Variants in TNKS2 observed in about 807,000 individuals in gnomAD.
TNKS2 encodes the protein poly [ADP-ribose] polymerase tankyrase-2.
Under a neutral mutation model 137.6 loss-of-function variants are expected in TNKS2, and 72 were observed. The ratio of observed to expected loss-of-function variants is 0.52; its 90% CI spans 0.43 to 0.64. The LOEUF (loss-of-function observed/expected upper bound fraction) is 0.64, where lower values mean the gene tolerates loss of function less well. TNKS2 is among the 30% of genes least tolerant of loss of function. TNKS2 has a pLI of 0.00. For missense variants in TNKS2, 1,049 were observed against 1,410.2 expected (o/e 0.74, Z 4.10); for synonymous variants, 516 against 512.1 (o/e 1.01, Z -0.10).
intron 5 of TNKS2, 100 bp from the exon 6 acceptor site, chr10:91,819,839 A>G (rs991766323): frequency 3.1e-6 from 3 of 967,388 alleles, no homozygotes; most frequent in East Asian, 2.6e-5. Context: ...TAGCGAAGTT[A>G]TAATTGGATT....
At chr10:91,831,519 G>A (rs1220406373) in intron 11 of TNKS2, among the ~76,000 whole-genome samples, 3 of 152,148 alleles carry the variant, frequency 2.0e-5, no homozygotes, top group Non-Finnish European at 4.4e-5. Flanking sequence ...TGGTTGTCAT[G>A]ATAACTTCTG....
intron 11 of TNKS2, among the ~76,000 whole-genome samples, chr10:91,833,475 T>A (rs1841887965): frequency 6.6e-6 from 1 of 152,184 alleles, no homozygotes; most frequent in African/African-American, 2.4e-5. Context: ...TAATGCTAAT[T>A]TATCTCTGGC....
intron 21 of TNKS2, among the ~76,000 whole-genome samples, 169 bp from the exon 22 acceptor site, chr10:91,854,860 A>G (rs1262700787): frequency 2.0e-5 from 3 of 151,132 alleles, no homozygotes; most frequent in Non-Finnish European, 4.4e-5. Context: ...CCAAGATCAC[A>G]CCAGCCTAGC....
intron 7 of TNKS2, among the ~76,000 whole-genome samples, chr10:91,825,175 C>T (rs1845028749): frequency 6.6e-6 from 1 of 152,064 alleles, no homozygotes; most frequent in Non-Finnish European, 1.5e-5. Flanking sequence ...AATCATGGCT[C>T]ATTGCAGCCG....
intron 8 of TNKS2, among the ~76,000 whole-genome samples, chr10:91,827,928 C>T (rs1417259368): frequency 6.6e-6 from 1 of 152,004 alleles, no homozygotes; most frequent in Non-Finnish European, 1.5e-5. Context: ...TATTTCTTTA[C>T]AGAGAAAAAT....
intron 21 of TNKS2, among the ~76,000 whole-genome samples, chr10:91,853,833 CTT>C (rs1203693963): frequency 1.3e-5 from 2 of 152,164 alleles, no homozygotes; most frequent in Admixed American, 6.5e-5. Context: ...GAATAGTGCT[CTT>C]CATCTCCAGA....
At chr10:91,852,084 C>T (rs951519120) in intron 21 of TNKS2, among the ~76,000 whole-genome samples, 14 of 148,402 alleles carry the variant, frequency 9.4e-5, no homozygotes, top group East Asian at 6.1e-4. Flanking sequence ...AAAAATTAGC[C>T]GGGCGTGGTG....
chr10:91,840,790 T>C (rs952166315), intron 14 of TNKS2, 84 bp downstream of exon 14: 9 of 1,371,564 alleles, frequency 6.6e-6, no homozygotes, highest in Non-Finnish European at 8.9e-6. Flanking sequence ...ATATGTTTTA[T>C]TTTTCAAGAA....
At chr10:91,860,117 TG>T (rs2133685848) in intron 25 of TNKS2, among the ~76,000 whole-genome samples, 1 of 152,314 alleles carries the variant, frequency 6.6e-6, no homozygotes, top group East Asian at 1.9e-4. Context: ...ATTAAAACAT[TG>T]ATCCTTTTTG....
At chr10:91,858,754 A>G (rs974353566) in intron 24 of TNKS2, among the ~76,000 whole-genome samples, 1 of 152,236 alleles carries the variant, frequency 6.6e-6, no homozygotes, top group East Asian at 1.9e-4. Flanking sequence ...CACGCCTGTA[A>G]TCCCAACACT....
intron 21 of TNKS2, 115 bp from the exon 22 acceptor site, chr10:91,854,914 A>T: frequency 4.0e-6 from 2 of 495,194 alleles, no homozygotes; most frequent in Non-Finnish European, 6.9e-6. Flanking sequence ...AAAAAAAAAA[A>T]GTTTAAAAAA....
intron 7 of TNKS2, among the ~76,000 whole-genome samples, chr10:91,824,243 G>A (rs1252878111): frequency 2.0e-5 from 3 of 152,176 alleles, no homozygotes; most frequent in Non-Finnish European, 2.9e-5. Flanking sequence ...GCAGTGCTGA[G>A]TCAATTGGCA....
Position 91,798,822 on chromosome 10 carries a change from G to A in TNKS2, c.132G>A (p.Val44=). ...NGDVERVKRL[V]TPEKVNSRDT... ...ACGTGGAACGAGTCAAGAGGCTGGT[G>A]ACGCCTGAGAAGGTGAACAGCCGCG... Residue 44 remains valine, a synonymous_variant, in exon 1 of 27, where the codon GTG becomes GTA. Transcript: ENST00000371627. The A allele has an allele frequency of 7.4e-7, 1 of 1,344,092 alleles. No individual in the cohort carries two copies. The highest frequency in any genetic ancestry group is 1.5e-5 in the African/African-American group (1 of 66,086). The allele number at this position is 1,344,092 out of a possible 1,614,324, so 83.3% of individuals were successfully genotyped here. A position where few individuals can be genotyped will look rare whatever the true frequency, so the allele number is the denominator to read the frequency against.
Position 91,863,050 on chromosome 10 carries a change from C to T in TNKS2, c.*51C>T, listed in dbSNP as rs775969738. 23 of 1,357,414 alleles carry T rather than the reference C, an allele frequency of 1.7e-5. No homozygotes were observed. Among genetic ancestry groups the T allele is most frequent in the Non-Finnish European group, 2.4e-5 (23 of 956,580 alleles). The allele number at this position is 1,357,414 out of a possible 1,614,324, so 84.1% of individuals were successfully genotyped here. ...ACTGAACCTAAAATCATCAAAGCAGCAGTGGCCTCTACGTTTTACTCCTTT... is the reference window on the plus strand; with the variant it reads ...ACTGAACCTAAAATCATCAAAGCAGTAGTGGCCTCTACGTTTTACTCCTTT... On this transcript the variant is annotated 3_prime_UTR_variant, in exon 27 of 27. Transcript: ENST00000371627.
intron 8 of TNKS2, among the ~76,000 whole-genome samples, chr10:91,827,671 T>C (rs1453264932): frequency 6.6e-6 from 1 of 152,232 alleles, no homozygotes. Context: ...AATAACCACC[T>C]AGTTTGGATA....
intron 21 of TNKS2, among the ~76,000 whole-genome samples, chr10:91,852,192 C>T (rs753912435): frequency 6.6e-6 from 1 of 151,238 alleles, no homozygotes; most frequent in African/African-American, 2.4e-5. Flanking sequence ...CACACCACTG[C>T]ACTCCAGCCT....
Position 91,855,141 on chromosome 10 carries a change from C to T in TNKS2, c.2913+15C>T. The T allele has an allele frequency of 6.8e-7, 1 of 1,465,142 alleles. No homozygotes were observed. Among genetic ancestry groups the T allele is most frequent in the East Asian group, 2.3e-5 (1 of 44,066 alleles). The allele number at this position is 1,465,142 out of a possible 1,614,324, so 90.8% of individuals were successfully genotyped here. On this transcript the variant is annotated intron_variant, in intron 22 of 26. Coordinates refer to ENST00000371627, the MANE Select transcript of TNKS2 (RefSeq NM_025235.4). Reference sequence around the variant, plus strand: ...TGGAGGAAGAGGTATGTTCATATAACTTCAATAGTAGGTTTGCCGTATATA... The same window carrying T: ...TGGAGGAAGAGGTATGTTCATATAATTTCAATAGTAGGTTTGCCGTATATA...
intron 2 of TNKS2, among the ~76,000 whole-genome samples, chr10:91,815,948 CTTTTTTTTT>C (rs10691725): frequency 3.2e-5 from 4 of 125,140 alleles, no homozygotes; most frequent in Non-Finnish European, 4.8e-5. Flanking sequence ...AAGACTTTCT[CTTTTTTTTT>C]TTTTTTTTTG....
chr10:91,815,142 C>G (rs1043948270), intron 2 of TNKS2, among the ~76,000 whole-genome samples: 1 of 152,160 alleles, frequency 6.6e-6, no homozygotes, highest in Non-Finnish European at 1.5e-5. Context: ...TCCATTATTT[C>G]CTGATGTAAA....
Sources: allele counts gnomAD v4.1 joint callset (sites outside exome capture counted in the v4.1 genomes callset), GRCh38; gene constraint gnomAD v4.1.1; transcripts MANE v1.5; gene names NCBI Gene and HGNC (gene_info 2026-07-23, HGNC 2026-07-21).